The following FBP2 variants were observed in gnomAD, a reference collection of about 807,000 sequenced individuals.
The protein encoded by FBP2 is fructose-1,6-bisphosphatase isozyme 2.
FBP2 carries 27 observed loss-of-function variants against 31.6 expected under a neutral mutation model. That is an observed-to-expected ratio of 0.85 (90% confidence interval 0.63 to 1.18). FBP2 has a LOEUF of 1.18. FBP2 is among the 50% of genes most tolerant of loss of function. The probability of loss-of-function intolerance (pLI) is 0.00; values close to 1 mark genes in which losing one functional copy is unlikely to be tolerated. For synonymous variants in FBP2, 168 were observed against 179.8 expected, an observed-to-expected ratio of 0.93 and a Z score of 0.53; for missense variants, 421 against 436.1, an observed-to-expected ratio of 0.97 and a Z score of 0.31.
intron 3 of FBP2, among the ~76,000 whole-genome samples, chr9:94,582,880 G>A (rs1393865083): frequency 9.7e-6 from 1 of 102,910 alleles, no homozygotes; most frequent in African/African-American, 4.0e-5. Context: ...TTGAGACACA[G>A]TTTCACTCTT....
chr9:94,576,132 G>A (rs1166288538), intron 3 of FBP2, among the ~76,000 whole-genome samples: 3 of 152,064 alleles, frequency 2.0e-5, no homozygotes, highest in Non-Finnish European at 2.9e-5. Flanking sequence ...TTAACAACTC[G>A]GCCACTGTTG....
At chr9:94,585,501 C>T (rs912671028) in intron 2 of FBP2, among the ~76,000 whole-genome samples, 42 of 148,416 alleles carry the variant, frequency 2.8e-4, no homozygotes, top group Non-Finnish European at 5.5e-4. Flanking sequence ...CGTGCCCTAA[C>T]GAAAACCCAC....
intron 3 of FBP2, among the ~76,000 whole-genome samples, chr9:94,579,419 A>C (rs2131455206): frequency 6.6e-6 from 1 of 151,030 alleles, no homozygotes; most frequent in Non-Finnish European, 1.5e-5. Context: ...AAAAAAAAAA[A>C]AGTTGTATGG....
At chr9:94,578,982 G>GGCGGAGCTTGCAGTGA (rs1427187717) in intron 3 of FBP2, among the ~76,000 whole-genome samples, 13 of 142,858 alleles carry the variant, frequency 9.1e-5, no homozygotes, top group Admixed American at 2.1e-4. Flanking sequence ...GAACCCGGAA[G>GGCGGAGCTTGCAGTGA]GCGGAGCTTG....
chr9:94,573,201 A>G (rs1466462513), intron 3 of FBP2, among the ~76,000 whole-genome samples: 1 of 152,228 alleles, frequency 6.6e-6, no homozygotes, highest in Non-Finnish European at 1.5e-5. Flanking sequence ...ATGTAATGCT[A>G]GCTGTAGATG....
At chr9:94,588,673 T>TC (rs1189655658) in intron 1 of FBP2, among the ~76,000 whole-genome samples, 4 of 152,080 alleles carry the variant, frequency 2.6e-5, no homozygotes, top group Non-Finnish European at 5.9e-5. Context: ...TGCAAAGGTC[T>TC]CCCCACTTCC....
rs756412826 is a variant in FBP2, at chr9:94,563,331, G to C, written c.825+11C>G. On this transcript the variant is annotated intron_variant, in intron 6 of 6. Coordinates refer to ENST00000375337, the MANE Select transcript of FBP2 (RefSeq NM_003837.4). ...GACCGGATGCACAGCCAGTGGACAA[G>C]GGAGAATTACCTTGCCCTTAGGGCT... 1 of 1,613,384 alleles carries C rather than the reference G, an allele frequency of 6.2e-7. No homozygotes were observed. Among genetic ancestry groups the C allele is most frequent in the Non-Finnish European group, 8.5e-7 (1 of 1,179,596 alleles).
At chr9:94,569,484 C>G (rs541981968) in intron 4 of FBP2, 1 of 152,392 alleles carries the variant, frequency 6.6e-6, no homozygotes, top group South Asian at 2.1e-4. Flanking sequence ...TGAACAGAGG[C>G]GCTCATTCTG....
Position 94,558,964 on chromosome 9 carries a change from C to T in FBP2, c.994G>A (p.Val332Met). Reference sequence around the variant, plus strand: ...TAGCTGCCTGCCTGATTTTTCTGCACACAGGTGAGATATTCCTGCACATCC... The same window carrying T: ...TAGCTGCCTGCCTGATTTTTCTGCATACAGGTGAGATATTCCTGCACATCC... The part of the protein sequence containing the change: ...PEDVQEYLTC[V>M]QKNQAGS Residue 332 changes from valine to methionine, a missense_variant, in exon 7 of 7, where the codon GTG becomes ATG. Val to Met is a conservative substitution (Grantham distance 21, BLOSUM62 1). Transcript: ENST00000375337. The T allele has an allele frequency of 3.1e-6, 5 of 1,614,078 alleles. No individual in the cohort carries two copies. The highest frequency in any genetic ancestry group is 4.2e-6 in the Non-Finnish European group (5 of 1,180,016).
chr9:94,563,508 T>A, intron 5 of FBP2, 47 bp from the exon 6 acceptor site: 4 of 1,591,328 alleles, frequency 2.5e-6, no homozygotes, highest in Non-Finnish European at 2.6e-6. Context: ...CTTTCAGGAT[T>A]AGCCAGCACC....
chr9:94,576,443 C>T (rs1202853627), intron 3 of FBP2, among the ~76,000 whole-genome samples: 1 of 152,154 alleles, frequency 6.6e-6, no homozygotes, highest in African/African-American at 2.4e-5. Context: ...TTTTAGTGGC[C>T]CATACAGTGT....
intron 2 of FBP2, among the ~76,000 whole-genome samples, chr9:94,586,466 G>A (rs1369351097): frequency 6.6e-6 from 1 of 152,204 alleles, no homozygotes; most frequent in Non-Finnish European, 1.5e-5. Flanking sequence ...GCCAATAGGA[G>A]AAGACAATGG....
intron 3 of FBP2, chr9:94,577,286 C>T (rs990455276): frequency 6.6e-6 from 1 of 152,210 alleles, no homozygotes; most frequent in Non-Finnish European, 1.5e-5. Context: ...TTCTTTTTCT[C>T]ATTTCCTGTC....
chr9:94,579,953 A>G (rs541275447), intron 3 of FBP2, among the ~76,000 whole-genome samples: 163 of 152,310 alleles, frequency 1.1e-3, no homozygotes, highest in Non-Finnish European at 1.8e-3. Flanking sequence ...AAATTTGTCA[A>G]TATGATTAGA....
chr9:94,582,098 G>T (rs1207484171), intron 3 of FBP2, among the ~76,000 whole-genome samples: 2 of 152,138 alleles, frequency 1.3e-5, no homozygotes, highest in Non-Finnish European at 2.9e-5. Context: ...TTAGACAAAA[G>T]ACTAAATTTC....
chr9:94,567,245 C>T, intron 5 of FBP2, 25 bp downstream of exon 5: 1 of 1,613,464 alleles, frequency 6.2e-7, no homozygotes, highest in South Asian at 1.1e-5. Flanking sequence ...TTCTGTCTGC[C>T]ACCCACCTGG....
At chr9:94,564,426 G>T (rs1827155929) in intron 5 of FBP2, among the ~76,000 whole-genome samples, 1 of 152,178 alleles carries the variant, frequency 6.6e-6, no homozygotes, top group African/African-American at 2.4e-5. Flanking sequence ...CCCATCAGTG[G>T]TAGACTGGAT....
At chr9:94,577,135 T>G (rs1158899943) in intron 3 of FBP2, among the ~76,000 whole-genome samples, 1 of 152,222 alleles carries the variant, frequency 6.6e-6, no homozygotes, top group African/African-American at 2.4e-5. Context: ...AGGCTCTCCC[T>G]GACAGGAGAT....
chr9:94,587,365 G>A lies in FBP2; in HGVS notation c.275C>T (p.Thr92Ile), dbSNP rs1188502521. 1 of 1,614,066 alleles carries A rather than the reference G, an allele frequency of 6.2e-7. No homozygotes were observed. The highest frequency in any genetic ancestry group is 1.7e-5 in the Admixed American group (1 of 60,000). ...ATTCTCTTCTGAGACCAGGACGCAGGTACTATAGGAGGATTGGACCATGTT... is the reference window on the plus strand; with the variant it reads ...ATTCTCTTCTGAGACCAGGACGCAGATACTATAGGAGGATTGGACCATGTT... ...VINMVQSSYS[T>I]CVLVSEENKD... The change falls in exon 2 of 7, where the codon ACC (threonine) becomes ATC (isoleucine). Residue 92 changes from threonine to isoleucine, a missense_variant. Transcript: ENST00000375337.
Sources: gnomAD v4.1 joint callset for allele counts (sites outside exome capture counted in the v4.1 genomes callset) on GRCh38, gnomAD v4.1.1 for gene constraint, MANE v1.5 for transcripts, NCBI Gene and HGNC (gene_info 2026-07-23, HGNC 2026-07-21) for gene names.